Variants in LRRC49 observed in about 807,000 individuals in gnomAD.
LRRC49 encodes the protein leucine-rich repeat-containing protein 49.
In LRRC49, 50 loss-of-function variants were observed where a neutral mutation model predicts 83.3. The ratio of observed to expected loss-of-function variants is 0.60; its 90% CI spans 0.48 to 0.76. LRRC49 has a LOEUF of 0.76. Among genes scored for constraint, LRRC49 ranks in the 30% least tolerant of loss-of-function variants. The probability of loss-of-function intolerance (pLI) is 0.00; values close to 1 mark genes in which losing one functional copy is unlikely to be tolerated. For missense variants in LRRC49, 704 were observed against 809.1 expected (o/e 0.87, Z 1.58); for synonymous variants, 286 against 283.3 (o/e 1.01, Z -0.10).
At chr15:70,985,515 G>A (rs965198414) in intron 11 of LRRC49, among the ~76,000 whole-genome samples, 4 of 152,164 alleles carry the variant, frequency 2.6e-5, no homozygotes, top group East Asian at 1.9e-4. Context: ...GTTCATTGTC[G>A]ATTCTGGATA....
chr15:70,903,394 C>T (rs1407490471), intron 4 of LRRC49, among the ~76,000 whole-genome samples: 2 of 151,948 alleles, frequency 1.3e-5, no homozygotes, highest in East Asian at 1.9e-4. Flanking sequence ...ATTAACCACA[C>T]ATTAAAATAA....
intron 6 of LRRC49, among the ~76,000 whole-genome samples, chr15:70,917,255 A>AG (rs1355503618): frequency 6.6e-6 from 1 of 152,182 alleles, no homozygotes; most frequent in African/African-American, 2.4e-5. Context: ...CCTGAGCAGA[A>AG]GGGGGCAGGT....
chr15:70,959,984 TA>T (rs1159836934), intron 8 of LRRC49, among the ~76,000 whole-genome samples: 1 of 152,256 alleles, frequency 6.6e-6, no homozygotes, highest in Non-Finnish European at 1.5e-5. Flanking sequence ...ACTCAATAGA[TA>T]AAGTACATTA....
At chr15:71,024,151 C>T (rs1194787167) in intron 14 of LRRC49, among the ~76,000 whole-genome samples, 2 of 152,260 alleles carry the variant, frequency 1.3e-5, no homozygotes, top group African/African-American at 2.4e-5. Flanking sequence ...ACAGTCTCCA[C>T]AGATCAGCCG....
intron 14 of LRRC49, among the ~76,000 whole-genome samples, chr15:71,034,936 T>C (rs1238188550): frequency 1.3e-5 from 2 of 151,514 alleles, no homozygotes; most frequent in South Asian, 4.2e-4. Flanking sequence ...AGCTAATGCA[T>C]GTGGGACTTA....
At chr15:70,974,735 A>G (rs2141213914) in intron 9 of LRRC49, among the ~76,000 whole-genome samples, 1 of 151,846 alleles carries the variant, frequency 6.6e-6, no homozygotes, top group African/African-American at 2.4e-5. Context: ...AAAAAAAAAA[A>G]GAACAACAAA....
chr15:70,967,971 A>G lies in LRRC49; in HGVS notation c.921+4039A>G, dbSNP rs1207325587. Among the ~76,000 whole-genome samples the G allele has an allele frequency of 2.0e-5, 3 of 149,776 alleles. No individual in the cohort carries two copies. In the South Asian group the frequency reaches 6.4e-4, roughly 32 times the overall value. ...AAGTAACTTTTTTTTTTTTTGCAAT[A>G]TTGCTTTATTTATTTATTTGTTTAT... On this transcript the variant is annotated intron_variant, in intron 9 of 15. Transcript: ENST00000260382.
chr15:71,029,117 G>C (rs1356843060), intron 14 of LRRC49, among the ~76,000 whole-genome samples: 2 of 152,066 alleles, frequency 1.3e-5, no homozygotes, highest in African/African-American at 4.8e-5. Context: ...CACTGCTTTA[G>C]CTGTGTCCCA....
In LRRC49 at chr15:70,866,984, G is replaced by T. The variant is rs544119599; in HGVS notation, c.-298-5924G>T. Among the ~76,000 whole-genome samples the T allele has an allele frequency of 4.6e-5, 7 of 151,892 alleles. No homozygotes were observed. The East Asian group carries it at 1.4e-3, about 30-fold the overall frequency. On this transcript the variant is annotated intron_variant, in intron 1 of 16. Transcript: ENST00000544974. The stretch of plus-strand genomic sequence containing the variant: ...GGAAAGTCTTTGGGGTTAAAGATTT[G>T]GTAATGGACTTAATGTAGCATTGGG...
intron 14 of LRRC49, among the ~76,000 whole-genome samples, chr15:71,028,638 T>A (rs1268614028): frequency 6.6e-6 from 1 of 152,218 alleles, no homozygotes; most frequent in Non-Finnish European, 1.5e-5. Context: ...TATTGGTGTA[T>A]TCAGAGATTC....
intron 11 of LRRC49, among the ~76,000 whole-genome samples, chr15:70,986,394 C>T (rs2037618413): frequency 6.7e-6 from 1 of 149,398 alleles, no homozygotes; most frequent in Non-Finnish European, 1.5e-5. Context: ...CTCTTTGAAG[C>T]AATTGTGAAT....
intron 3 of LRRC49, chr15:70,898,341 G>A (rs2033922432): frequency 1.5e-6 from 1 of 679,144 alleles, no homozygotes; most frequent in South Asian, 1.6e-5. Context: ...CAATTAATTT[G>A]TCTATTGATT....
At chr15:70,892,531 C>A (rs572340556), upstream of LRRC49, 279 of 1,516,008 alleles carry the variant, frequency 1.8e-4, no homozygotes, top group Non-Finnish European at 2.4e-4. Flanking sequence ...ATACAAATTT[C>A]GCGCGGGCAG....
At chr15:70,915,501 T>C (rs2034733188) in intron 6 of LRRC49, among the ~76,000 whole-genome samples, 1 of 152,208 alleles carries the variant, frequency 6.6e-6, no homozygotes, top group Admixed American at 6.5e-5. Flanking sequence ...CACTGCTTCT[T>C]TTCCATTTAT....
chr15:71,007,465 C>A (rs1012830236), intron 11 of LRRC49, among the ~76,000 whole-genome samples: 1 of 151,482 alleles, frequency 6.6e-6, no homozygotes, highest in African/African-American at 2.4e-5. Context: ...TTAGTAGGGG[C>A]AAATAAATAC....
chr15:71,024,112 C>T (rs908245282), intron 14 of LRRC49, among the ~76,000 whole-genome samples: 1 of 152,224 alleles, frequency 6.6e-6, no homozygotes, highest in Non-Finnish European at 1.5e-5. Flanking sequence ...CCTCTGATCT[C>T]CCTGGGACTG....
chr15:70,891,410 T>A (rs2033558557), upstream of LRRC49, among the ~76,000 whole-genome samples: 1 of 152,192 alleles, frequency 6.6e-6, no homozygotes, highest in African/African-American at 2.4e-5. Context: ...CCCCATCATT[T>A]GTGACACAAA....
Position 70,971,566 on chromosome 15 carries a change from G to T in LRRC49, c.921+7634G>T, listed in dbSNP as rs527740961. 2.0e-5 allele frequency among the ~76,000 whole-genome samples: 3 copies of T among 152,122 alleles called. No homozygotes were observed. In the South Asian group the frequency reaches 6.2e-4, roughly 32 times the overall value. On this transcript the variant is annotated intron_variant, in intron 9 of 15. Coordinates refer to ENST00000260382, the MANE Select transcript of LRRC49 (RefSeq NM_017691.5). ...TTAATCTGTCTAATATTGACAGTGGGGTGTTAAAATCTCCCATTATTATTG... is the reference window on the plus strand; with the variant it reads ...TTAATCTGTCTAATATTGACAGTGGTGTGTTAAAATCTCCCATTATTATTG...
At chr15:70,948,204 C>T (rs1382025210) in intron 8 of LRRC49, among the ~76,000 whole-genome samples, 1 of 151,986 alleles carries the variant, frequency 6.6e-6, no homozygotes, top group African/African-American at 2.4e-5. Context: ...AGAGGTTCTT[C>T]CTTATTCCAC....
Sources: allele counts gnomAD v4.1 joint callset (sites outside exome capture counted in the v4.1 genomes callset), GRCh38; gene constraint gnomAD v4.1.1; transcripts MANE v1.5; gene names NCBI Gene and HGNC (gene_info 2026-07-23, HGNC 2026-07-21).